The following ZBTB46 variants were observed in gnomAD, a reference collection of about 807,000 sequenced individuals.
ZBTB46 encodes the protein zinc finger and BTB domain containing 46.
Under a neutral mutation model 44.1 loss-of-function variants are expected in ZBTB46, and 8 were observed. That is an observed-to-expected ratio of 0.18 (90% CI 0.11 to 0.33). The LOEUF (loss-of-function observed/expected upper bound fraction) is 0.33. Among genes scored for constraint, ZBTB46 ranks in the 10% least tolerant of loss-of-function variants. The probability of loss-of-function intolerance (pLI) is 1.00; values close to 1 mark genes in which losing one functional copy is unlikely to be tolerated. For missense variants in ZBTB46, 651 were observed against 847.7 expected, an observed-to-expected ratio of 0.77 and a Z score of 2.88; for synonymous variants, 409 against 382.3, an observed-to-expected ratio of 1.07 and a Z score of -0.81.
At chr20:63,821,457 G>A (rs1210124299) in intron 1 of ZBTB46, among the ~76,000 whole-genome samples, 1 of 117,046 alleles carries the variant, frequency 8.5e-6, no homozygotes. Flanking sequence ...TTTTTTTTCT[G>A]AGACGGAGTT....
chr20:63,746,508 G>A lies in ZBTB46; in HGVS notation c.*422C>T, dbSNP rs2092090772. 1 of 171,584 alleles carries A rather than the reference G, an allele frequency of 5.8e-6. No homozygotes were observed. 10.6% of individuals were successfully genotyped at this position (171,584 alleles called of 1,614,324 possible). A position where few individuals can be genotyped will look rare whatever the true frequency, so the allele number is the denominator to read the frequency against. On this transcript the variant is annotated 3_prime_UTR_variant, in exon 5 of 5. Transcript: ENST00000245663. ...GGGCGGGCTCCAGCCGGGCTGACCG[G>A]GTGTCTGTAAAACTCTGCACCTGCT...
intron 3 of ZBTB46, among the ~76,000 whole-genome samples, chr20:63,754,894 T>C (rs978928905): frequency 2.0e-5 from 3 of 152,226 alleles, no homozygotes; most frequent in African/African-American, 7.2e-5. Context: ...CCACCGCGCC[T>C]GGCCAAAACT....
intron 1 of ZBTB46, among the ~76,000 whole-genome samples, chr20:63,813,763 C>T (rs2092731316): frequency 6.6e-6 from 1 of 152,174 alleles, no homozygotes; most frequent in South Asian, 2.1e-4. Context: ...GCCCTCATCC[C>T]AACTCTGATT....
chr20:63,819,163 ACT>A (rs922005800), intron 1 of ZBTB46, among the ~76,000 whole-genome samples: 40 of 152,302 alleles, frequency 2.6e-4, no homozygotes, highest in African/African-American at 5.8e-4. Context: ...ACAGAGTGAG[ACT>A]CTGTCTGAGA....
rs554710964 is a variant in ZBTB46 at position 63,803,898 on chromosome 20, T to C, written c.-33-13108A>G. On this transcript the variant is annotated intron_variant, in intron 1 of 4. Coordinates refer to ENST00000245663, the MANE Select transcript of ZBTB46 (RefSeq NM_001369741.1). The surrounding 1 kb of genome is among the most constrained non-coding windows in gnomAD (Gnocchi z 4.0). ...ATTTTTTTGTTTTGTAGAGACGGGG[T>C]TCTGTCGTGTTGCCCAGGTTGGTCT... 2.5e-3 allele frequency among the ~76,000 whole-genome samples: 378 copies of C among 152,120 alleles called. 2 individuals carry two copies. Among genetic ancestry groups the C allele is most frequent in the Middle Eastern group, 3.4e-3 (1 of 294 alleles).
rs1320439159 is a variant in ZBTB46 at position 63,746,068 on chromosome 20, G to C, written c.*862C>G. 1.3e-5 allele frequency: 2 copies of C among 152,750 alleles called. No homozygotes were observed. Among genetic ancestry groups the C allele is most frequent in the Non-Finnish European group, 2.9e-5 (2 of 68,076 alleles). The allele number at this position is 152,750 out of a possible 1,614,324, so 9.5% of individuals were successfully genotyped here. On this transcript the variant is annotated 3_prime_UTR_variant, in exon 5 of 5. Transcript: ENST00000245663. ...TGTTAGCAGCAAAGGCAGGAGCCCAGCTCCAGCCCGTCCAGGAGGGGTCAG... is the reference window on the plus strand; with the variant it reads ...TGTTAGCAGCAAAGGCAGGAGCCCACCTCCAGCCCGTCCAGGAGGGGTCAG...
rs1440703988 is a variant in ZBTB46 at position 63,786,643 on chromosome 20, C to T, written c.937+3178G>A. ...TCTCCTGCCTCAGCTTCCTGAGCAG[C>T]TGGGACTACAGGCGCGCACCACCAC... On this transcript the variant is annotated intron_variant, in intron 2 of 4. Coordinates refer to ENST00000245663, the MANE Select transcript of ZBTB46 (RefSeq NM_001369741.1). Among the ~76,000 whole-genome samples, 7 of 152,264 alleles carry T rather than the reference C, an allele frequency of 4.6e-5. No individual in the cohort carries two copies. In the East Asian group the frequency reaches 1.4e-3, roughly 29 times the overall value.
rs1032128607 is a variant in ZBTB46, at chr20:63,777,803, T to C, written c.938-1841A>G. ...GGTCCATCCCCACAATGGAATATTA[T>C]GTGGCCATGAAAAGGCATGAAGAAC... On this transcript the variant is annotated intron_variant, in intron 2 of 4. Coordinates refer to ENST00000245663, the MANE Select transcript of ZBTB46 (RefSeq NM_001369741.1). Among the ~76,000 whole-genome samples the C allele has an allele frequency of 9.9e-4, 150 of 152,178 alleles. 1 individual carries two copies. The highest frequency in any genetic ancestry group is 2.9e-4 in the Non-Finnish European group (20 of 68,044).
intron 1 of ZBTB46, among the ~76,000 whole-genome samples, chr20:63,821,775 A>G (rs1159777750): frequency 6.6e-6 from 1 of 152,166 alleles, no homozygotes; most frequent in Non-Finnish European, 1.5e-5. Context: ...AGGTGATGCT[A>G]AACAGAAATA....
intron 2 of ZBTB46, among the ~76,000 whole-genome samples, chr20:63,779,303 T>C (rs13039534): frequency 0.54 from 81,920 of 150,778 alleles, 22,393 homozygotes; most frequent in South Asian, 0.62. Flanking sequence ...TGCAATGGCA[T>C]GATCTCAGCT....
intron 2 of ZBTB46, among the ~76,000 whole-genome samples, chr20:63,777,621 A>G (rs2145874145): frequency 6.6e-6 from 1 of 152,352 alleles, no homozygotes; most frequent in African/African-American, 2.4e-5. Flanking sequence ...CACGGGGCCC[A>G]GCAGTTCCAC....
chr20:63,805,523 T>C (rs531514103), intron 1 of ZBTB46, among the ~76,000 whole-genome samples: 1 of 152,094 alleles, frequency 6.6e-6, no homozygotes, highest in East Asian at 1.9e-4. Flanking sequence ...AGGCAGAAAC[T>C]GGAGTGACAA....
intron 4 of ZBTB46, among the ~76,000 whole-genome samples, chr20:63,751,054 G>C (rs1329051012): frequency 2.0e-5 from 3 of 152,242 alleles, no homozygotes; most frequent in Non-Finnish European, 2.9e-5. Flanking sequence ...AAACGTGTTA[G>C]CACCTATCAG....
chr20:63,819,804 G>A (rs1026600692), intron 1 of ZBTB46, among the ~76,000 whole-genome samples: 1 of 152,146 alleles, frequency 6.6e-6, no homozygotes, highest in Non-Finnish European at 1.5e-5. Context: ...TGGGACGCTC[G>A]GAGCACTGAC....
intron 3 of ZBTB46, among the ~76,000 whole-genome samples, chr20:63,774,556 C>T (rs1260094690): frequency 2.0e-5 from 3 of 152,114 alleles, no homozygotes; most frequent in African/African-American, 7.2e-5. Context: ...TGGAGAGAAA[C>T]GGGAGGCGCC....
intron 2 of ZBTB46, among the ~76,000 whole-genome samples, chr20:63,782,197 A>ACCCCCAAG (rs1555845747): frequency 1.3e-5 from 2 of 150,872 alleles, no homozygotes; most frequent in Admixed American, 1.3e-4. Context: ...CCAGGCTGCA[A>ACCCCCAAG]CCCCCGAGCC....
At chr20:63,808,376 C>G (rs1209360881) in intron 1 of ZBTB46, among the ~76,000 whole-genome samples, 4 of 152,196 alleles carry the variant, frequency 2.6e-5, no homozygotes, top group South Asian at 2.1e-4. Context: ...GCAGACGCCA[C>G]GGAGCCCGGG....
At position 63,790,222 on chromosome 20, in the gene ZBTB46, T is replaced by G. The variant is rs1412657641; in HGVS notation, c.536A>C (p.Asn179Thr). 1.2e-6 allele frequency: 2 copies of G among 1,611,974 alleles called. No homozygotes were observed. The highest frequency in any genetic ancestry group is 1.3e-5 in the African/African-American group (1 of 74,902). The change falls in exon 2 of 5, where the codon AAT becomes ACT. Residue 179 changes from asparagine (N) to threonine (T), a missense_variant. This residue lies in a region of ZBTB46 where 385 missense variants were observed against 423.3 expected (regional missense o/e 0.91). Coordinates refer to ENST00000245663, the MANE Select transcript of ZBTB46 (RefSeq NM_001369741.1). The stretch of plus-strand genomic sequence containing the variant: ...GGCGATGGCCGAGTCTCCGGAAGAA[T>G]TGGCAGGACTCGTTCGCCGTGCCAG... Reference protein sequence around the residue: ...PWLARRTSPANSSGDSAIASC... With the variant: ...PWLARRTSPATSSGDSAIASC...
chr20:63,810,220 A>C (rs2092709858), intron 1 of ZBTB46, among the ~76,000 whole-genome samples: 1 of 152,204 alleles, frequency 6.6e-6, no homozygotes, highest in Non-Finnish European at 1.5e-5. Flanking sequence ...ACAGTGACAA[A>C]CAGAAAAAGA....
Sources: allele counts gnomAD v4.1 joint callset (sites outside exome capture counted in the v4.1 genomes callset), GRCh38; gene constraint gnomAD v4.1.1; regional missense constraint gnomAD v4.1.1; non-coding constraint Gnocchi (gnomAD v3.1); transcripts MANE v1.5; gene names NCBI Gene and HGNC (gene_info 2026-07-23, HGNC 2026-07-21).